Variants in CTDSP1 observed in about 807,000 individuals in gnomAD.
CTDSP1 encodes CTD small phosphatase 1.
Under a neutral mutation model 32.5 loss-of-function variants are expected in CTDSP1, and 15 were observed. That is an observed-to-expected ratio of 0.46 (90% CI 0.31 to 0.71). The LOEUF (loss-of-function observed/expected upper bound fraction) is 0.71, where lower values mean the gene tolerates loss of function less well. CTDSP1 is among the 30% of genes least tolerant of loss of function. The pLI is 0.05. For missense variants in CTDSP1, 294 were observed against 351.1 expected, an observed-to-expected ratio of 0.84 and a Z score of 1.30; for synonymous variants, 185 against 145.4, an observed-to-expected ratio of 1.27 and a Z score of -1.96.
chr2:218,400,142 C>T lies in CTDSP1; in HGVS notation c.52C>T (p.Pro18Ser), dbSNP rs1697037664. 2 of 1,545,480 alleles carry T rather than the reference C, an allele frequency of 1.3e-6. No individual in the cohort carries two copies. The highest frequency in any genetic ancestry group is 1.7e-6 in the Non-Finnish European group (2 of 1,145,374). Reference sequence around the variant, plus strand: ...GATCAGCAAGGAGGAGGCTCGGGGCCCGCTGCGGGGCAAAGGTACCGGGGC... The same window carrying T: ...GATCAGCAAGGAGGAGGCTCGGGGCTCGCTGCGGGGCAAAGGTACCGGGGC... ...TQISKEEARGPLRGKGDQKSA... is the reference protein window; with the variant it reads ...TQISKEEARGSLRGKGDQKSA... Residue 18 changes from proline to serine, a missense_variant, in exon 1 of 7, where the codon CCG becomes TCG. By Grantham distance (74) the Pro-to-Ser change is moderately conservative (BLOSUM62 -1). Coordinates refer to ENST00000273062, the MANE Select transcript of CTDSP1 (RefSeq NM_021198.3).
chr2:218,403,026 G>GC lies in CTDSP1; in HGVS notation c.379-3dup, dbSNP rs777954344. On this transcript the variant is annotated splice_polypyrimidine_tract_variant and intron_variant, in intron 4 of 6. Coordinates refer to ENST00000273062, the MANE Select transcript of CTDSP1 (RefSeq NM_021198.3). ...TGGCCCGCAGCCCCCTCACTGGCCC[G>GC]CCCCCCAGGTCTACGTGTTGAAGCG... is the stretch of plus-strand genomic sequence containing the variant. 1.6e-5 allele frequency: 26 copies of GC among 1,610,476 alleles called. No homozygotes were observed. The East Asian group carries it at 2.0e-4, about 12-fold the overall frequency.
rs904047765 is a variant in CTDSP1, at chr2:218,405,766, C to T, written c.*1341C>T. 2.0e-5 allele frequency: 3 copies of T among 152,976 alleles called. No homozygotes were observed. The East Asian group carries it at 5.6e-4, about 29-fold the overall frequency. 9.5% of individuals were successfully genotyped at this position (152,976 alleles called of 1,614,324 possible). ...AGGGTCTAACGGTTAAGGGGACCCA[C>T]ATACCAGTGCCAAGGGGGATGTCAA... On this transcript the variant is annotated 3_prime_UTR_variant, in exon 7 of 7. Transcript: ENST00000273062.
chr2:218,399,804 G>A (rs980387419), upstream of CTDSP1: 8 of 1,134,476 alleles, frequency 7.1e-6, no homozygotes, highest in Non-Finnish European at 7.6e-6. Flanking sequence ...GCCGAGTCCA[G>A]GTCACGCCGA....
In CTDSP1 at chr2:218,402,480, C is replaced by T. The variant is rs891731002; in HGVS notation, c.378+75C>T. The T allele has an allele frequency of 2.6e-5, 38 of 1,453,288 alleles. No homozygotes were observed. The African/African-American group carries it at 2.6e-4, about 10-fold the overall frequency. 90.0% of individuals were successfully genotyped at this position (1,453,288 alleles called of 1,614,324 possible). A position where few individuals can be genotyped will look rare whatever the true frequency, so the allele number is the denominator to read the frequency against. On this transcript the variant is annotated intron_variant, in intron 4 of 6. Transcript: ENST00000273062. ...CTAGGCTCTTCCCACCAATCCGGAG[C>T]GCCTCGGATGGGAATTGGATACATG...
In CTDSP1 at chr2:218,403,436, G is replaced by T; in HGVS notation, c.657+19G>T. 6.4e-7 allele frequency: 1 copy of T among 1,561,438 alleles called. No homozygotes were observed. Among genetic ancestry groups the T allele is most frequent in the South Asian group, 1.2e-5 (1 of 85,826 alleles). On this transcript the variant is annotated intron_variant, in intron 6 of 6. Coordinates refer to ENST00000273062, the MANE Select transcript of CTDSP1 (RefSeq NM_021198.3). Reference sequence around the variant, plus strand: ...CAATGCTGTGAGTGCGGGCTGGACTGGGACTGGGACAGGAGCTGAGACCCA... The same window carrying T: ...CAATGCTGTGAGTGCGGGCTGGACTTGGACTGGGACAGGAGCTGAGACCCA...
rs1697304966 is a variant in CTDSP1 at position 218,404,292 on chromosome 2, C to T, written c.658-5C>T. 1.9e-6 allele frequency: 3 copies of T among 1,613,944 alleles called. No individual in the cohort carries two copies. The highest frequency in any genetic ancestry group is 2.7e-5 in the African/African-American group (2 of 75,020). On this transcript the variant is annotated splice_region_variant and splice_polypyrimidine_tract_variant and intron_variant, in intron 6 of 6. Coordinates refer to ENST00000273062, the MANE Select transcript of CTDSP1 (RefSeq NM_021198.3). ...CCCCTCATCTTCCTACACCCACTTC[C>T]CCAGGTACCGGTGGCCTCGTGGTTT... is the stretch of plus-strand genomic sequence containing the variant.
At position 218,403,051 on chromosome 2, in the gene CTDSP1, G is replaced by A. The variant is rs1697233867; in HGVS notation, c.395G>A (p.Arg132His). The change falls in exon 5 of 7, where the codon CGT (arginine) becomes CAT (histidine). Residue 132 changes from arginine (R) to histidine (H), a missense_variant. Coordinates refer to ENST00000273062, the MANE Select transcript of CTDSP1 (RefSeq NM_021198.3). ...GCCCCCCAGGTCTACGTGTTGAAGC[G>A]TCCTCACGTGGATGAGTTCCTGCAG... Reference protein sequence around the residue: ...GVVHQVYVLKRPHVDEFLQRM... With the variant: ...GVVHQVYVLKHPHVDEFLQRM... The A allele has an allele frequency of 6.2e-7, 1 of 1,613,946 alleles. No individual in the cohort carries two copies. Among genetic ancestry groups the A allele is most frequent in the East Asian group, 2.2e-5 (1 of 44,882 alleles).
At chr2:218,398,221 G>A (rs1696922933), upstream of CTDSP1, 1 of 590,076 alleles carries the variant, frequency 1.7e-6, no homozygotes, top group Non-Finnish European at 3.0e-6. Flanking sequence ...CCCGCTCCCA[G>A]GCTGGAATCC....
In CTDSP1 at chr2:218,405,895, C is replaced by G. The variant is rs1697382391; in HGVS notation, c.*1470C>G. On this transcript the variant is annotated 3_prime_UTR_variant, in exon 7 of 7. Transcript: ENST00000273062. ...TCCCATTTAAGTGCCTTCTCTGTGACTGAGAGCCCTAGTGTGATGAGAACT... is the reference window on the plus strand; with the variant it reads ...TCCCATTTAAGTGCCTTCTCTGTGAGTGAGAGCCCTAGTGTGATGAGAACT... 1 of 152,918 alleles carries G rather than the reference C, an allele frequency of 6.5e-6. No individual in the cohort carries two copies. Among genetic ancestry groups the G allele is most frequent in the Non-Finnish European group, 1.5e-5 (1 of 68,142 alleles). 9.5% of individuals were successfully genotyped at this position (152,918 alleles called of 1,614,324 possible). A position where few individuals can be genotyped will look rare whatever the true frequency, so the allele number is the denominator to read the frequency against.
chr2:218,405,041 G>C lies in CTDSP1; in HGVS notation c.*616G>C, dbSNP rs1646385840. The C allele has an allele frequency of 1.3e-5, 2 of 153,120 alleles. No homozygotes were observed. Among genetic ancestry groups the C allele is most frequent in the Middle Eastern group, 3.1e-3 (1 of 318 alleles). 9.5% of individuals were successfully genotyped at this position (153,120 alleles called of 1,614,324 possible). ...CAGGCCCCACAGTGCAGCTTCTCCA[G>C]GGCCGACAGCTGAGGGCTGCTCCCT... On this transcript the variant is annotated 3_prime_UTR_variant, in exon 7 of 7. Coordinates refer to ENST00000273062, the MANE Select transcript of CTDSP1 (RefSeq NM_021198.3).
chr2:218,398,622 G>T, upstream of CTDSP1: 1 of 489,146 alleles, frequency 2.0e-6, no homozygotes, highest in South Asian at 3.8e-5. Context: ...CCCCTCGGCA[G>T]GGCCTGGCGG....
intron 1 of CTDSP1, 177 bp downstream of exon 1, chr2:218,400,334 C>G (rs928175899): frequency 5.5e-6 from 4 of 728,518 alleles, no homozygotes; most frequent in Non-Finnish European, 9.6e-6. Flanking sequence ...GGCTCAGAGA[C>G]GCGGGGCGGG....
At chr2:218,400,988 G>T in intron 1 of CTDSP1, 1 of 435,354 alleles carries the variant, frequency 2.3e-6, no homozygotes, top group Non-Finnish European at 4.6e-6. Context: ...GGTGGGGTGG[G>T]AGGGGTATCT....
chr2:218,401,127 G>A, intron 1 of CTDSP1: 1 of 368,104 alleles, frequency 2.7e-6, no homozygotes, highest in Non-Finnish European at 5.5e-6. Flanking sequence ...TGAGGACTTC[G>A]TACCCACGGG....
rs946462430 is a variant in CTDSP1, at chr2:218,400,367, C to T, written c.67+210C>T. On this transcript the variant is annotated intron_variant, in intron 1 of 6. Transcript: ENST00000273062. ...GGGGCCTGGCGCCTTTGGGGCGCTC[C>T]TGTTCGCTCGAGGTGAGGAAACTGA... 10 of 679,594 alleles carry T rather than the reference C, an allele frequency of 1.5e-5. No homozygotes were observed. In the African/African-American group the frequency reaches 1.6e-4, roughly 11 times the overall value. The allele number at this position is 679,594 out of a possible 1,614,324, so 42.1% of individuals were successfully genotyped here.
intron 1 of CTDSP1, chr2:218,400,373 G>A: frequency 3.0e-6 from 2 of 660,770 alleles, no homozygotes; most frequent in Non-Finnish European, 5.4e-6. Flanking sequence ...GCTCCTGTTC[G>A]CTCGAGGTGA....
At chr2:218,402,638 C>A in intron 4 of CTDSP1, 1 of 766,874 alleles carries the variant, frequency 1.3e-6, no homozygotes, top group Non-Finnish European at 2.4e-6. Flanking sequence ...TCCCTCGCCC[C>A]ACCCTGCCCG....
rs1697360864 is a variant in CTDSP1 at position 218,405,363 on chromosome 2, C to T, written c.*938C>T. On this transcript the variant is annotated 3_prime_UTR_variant, in exon 7 of 7. Coordinates refer to ENST00000273062, the MANE Select transcript of CTDSP1 (RefSeq NM_021198.3). ...GGCCAAGGGGCCCAGGCCCTGTCCTCTGTCCCTCACACCCCTTTGCTCCGT... is the reference window on the plus strand; with the variant it reads ...GGCCAAGGGGCCCAGGCCCTGTCCTTTGTCCCTCACACCCCTTTGCTCCGT... 6.6e-6 allele frequency: 1 copy of T among 152,558 alleles called. No homozygotes were observed. The highest frequency in any genetic ancestry group is 2.1e-4 in the South Asian group (1 of 4,840). The allele number at this position is 152,558 out of a possible 1,614,324, so 9.5% of individuals were successfully genotyped here.
At chr2:218,398,617 C>A, upstream of CTDSP1, 1 of 516,532 alleles carries the variant, frequency 1.9e-6, no homozygotes, top group South Asian at 3.2e-5. Flanking sequence ...GGCTCCCCCT[C>A]GGCAGGGCCT....
Sources: gnomAD v4.1 joint callset for allele counts on GRCh38, gnomAD v4.1.1 for gene constraint, MANE v1.5 for transcripts, NCBI Gene and HGNC (gene_info 2026-07-23, HGNC 2026-07-21) for gene names.